The following RBFOX1 variants were observed in gnomAD, a reference collection of about 807,000 sequenced individuals.
RBFOX1 encodes RNA binding protein fox-1 homolog 1.
A neutral mutation model predicts 57.7 loss-of-function variants in RBFOX1; 8 were observed. The ratio of observed to expected loss-of-function variants is 0.14; its 90% CI spans 0.08 to 0.25. RBFOX1 has a LOEUF of 0.25. Among genes scored for constraint, RBFOX1 ranks in the 10% least tolerant of loss-of-function variants. The probability of loss-of-function intolerance (pLI) is 1.00; values close to 1 mark genes in which losing one functional copy is unlikely to be tolerated. For missense variants in RBFOX1, 611 were observed against 548.5 expected, an observed-to-expected ratio of 1.11 and a Z score of -1.14; for synonymous variants, 326 against 222.4, an observed-to-expected ratio of 1.47 and a Z score of -4.15.
At chr16:7,247,033 C>T (rs1201109258) in intron 4 of RBFOX1, among the ~76,000 whole-genome samples, 1 of 152,116 alleles carries the variant, frequency 6.6e-6, no homozygotes, top group Non-Finnish European at 1.5e-5. Flanking sequence ...TAACAGTGAG[C>T]ACTTGTTTAG....
chr16:5,826,354 A>G lies in RBFOX1; in HGVS notation c.319-40949A>G, dbSNP rs1390442948. On this transcript the variant is annotated intron_variant, in intron 3 of 19. Coordinates refer to the RBFOX1 transcript ENST00000641259. ...CAGTACCTGTGACTTTGTCCCCAGT[A>G]GATGTCCAGCTGTTTTCATTCCACA... 3.3e-5 allele frequency among the ~76,000 whole-genome samples: 5 copies of G among 152,302 alleles called. No homozygotes were observed. The East Asian group carries it at 5.8e-4, about 18-fold the overall frequency.
At chr16:6,757,120 A>G (rs1319418870) in intron 3 of RBFOX1, among the ~76,000 whole-genome samples, 1 of 152,238 alleles carries the variant, frequency 6.6e-6, no homozygotes, top group Non-Finnish European at 1.5e-5. Flanking sequence ...CCCAATTAGA[A>G]CGACTATTAT....
intron 5 of RBFOX1, among the ~76,000 whole-genome samples, chr16:7,548,622 C>A (rs7187403): frequency 5.9e-5 from 9 of 152,310 alleles, no homozygotes; most frequent in African/African-American, 2.2e-4. Flanking sequence ...GCAGGATGCT[C>A]TGGGGCAGGA....
intron 2 of RBFOX1, among the ~76,000 whole-genome samples, chr16:6,553,654 T>C (rs1363418732): frequency 6.6e-6 from 1 of 151,988 alleles, no homozygotes; most frequent in East Asian, 1.9e-4. Flanking sequence ...CAGGACAGGA[T>C]GATAGAAAAG....
chr16:5,479,999 T>C (rs1378711840), intron 2 of RBFOX1, among the ~76,000 whole-genome samples: 1 of 152,086 alleles, frequency 6.6e-6, no homozygotes, highest in Non-Finnish European at 1.5e-5. Flanking sequence ...TTGGCCTTCC[T>C]CCTTGCCTAC....
intron 3 of RBFOX1, among the ~76,000 whole-genome samples, chr16:5,800,799 T>C (rs1429571120): frequency 6.6e-6 from 1 of 152,122 alleles, no homozygotes; most frequent in Non-Finnish European, 1.5e-5. Context: ...CTAGTGCCAT[T>C]GGATCCCTTT....
chr16:6,382,885 A>G (rs1329143275), intron 2 of RBFOX1, among the ~76,000 whole-genome samples: 1 of 152,186 alleles, frequency 6.6e-6, no homozygotes, highest in Non-Finnish European at 1.5e-5. Context: ...TTTACTCTCA[A>G]GCCCACTGAA....
At chr16:6,986,184 T>TTTTTTTTA (rs1555719495) in intron 3 of RBFOX1, among the ~76,000 whole-genome samples, 11 of 144,142 alleles carry the variant, frequency 7.6e-5, no homozygotes, top group South Asian at 2.2e-4. Flanking sequence ...CAATTTCTAT[T>TTTTTTTTA]TTTATTTATT....
At chr16:6,483,397 G>C (rs1459999955) in intron 2 of RBFOX1, 10 of 1,533,260 alleles carry the variant, frequency 6.5e-6, no homozygotes, top group Non-Finnish European at 8.7e-6. Flanking sequence ...GATGACTGGA[G>C]TCATTTACAT....
intron 4 of RBFOX1, among the ~76,000 whole-genome samples, chr16:7,359,873 G>T (rs1246607546): frequency 6.6e-6 from 1 of 152,076 alleles, no homozygotes; most frequent in Non-Finnish European, 1.5e-5. Flanking sequence ...AGTCCCAGCT[G>T]CTGGGGAGGC....
chr16:5,443,049 G>A (rs1238681407), intron 1 of RBFOX1, among the ~76,000 whole-genome samples: 1 of 152,164 alleles, frequency 6.6e-6, no homozygotes, highest in Non-Finnish European at 1.5e-5. Context: ...ACTGAAAGAG[G>A]CAAGGAACAG....
chr16:6,433,991 G>A (rs568348204), intron 2 of RBFOX1, among the ~76,000 whole-genome samples: 3 of 152,018 alleles, frequency 2.0e-5, no homozygotes, highest in South Asian at 4.2e-4. Flanking sequence ...GGGATTACAG[G>A]CATGCACCAC....
chr16:6,131,037 A>C (rs1349143192), intron 1 of RBFOX1, among the ~76,000 whole-genome samples: 1 of 152,196 alleles, frequency 6.6e-6, no homozygotes, highest in Non-Finnish European at 1.5e-5. Flanking sequence ...TAAAGAGCGT[A>C]AGAGGCCAGA....
intron 4 of RBFOX1, among the ~76,000 whole-genome samples, chr16:7,132,870 G>C (rs1197904193): frequency 6.6e-6 from 1 of 152,076 alleles, no homozygotes; most frequent in Non-Finnish European, 1.5e-5. Context: ...GCTGCCACGT[G>C]GTGATAAATA....
intron 10 of RBFOX1, among the ~76,000 whole-genome samples, chr16:7,617,451 G>T (rs1050600547): frequency 1.3e-5 from 2 of 151,850 alleles, no homozygotes; most frequent in African/African-American, 4.8e-5. Context: ...CTACTTTGCT[G>T]AGCTTGGCTT....
intron 3 of RBFOX1, among the ~76,000 whole-genome samples, chr16:6,814,575 A>T (rs2089611004): frequency 6.6e-6 from 1 of 152,146 alleles, no homozygotes; most frequent in Non-Finnish European, 1.5e-5. Context: ...GATGAGCATG[A>T]TAGATGCGAA....
intron 4 of RBFOX1, among the ~76,000 whole-genome samples, chr16:7,483,320 C>T (rs948914259): frequency 1.3e-5 from 2 of 152,098 alleles, no homozygotes; most frequent in Admixed American, 6.5e-5. Context: ...TCTGGCAGAC[C>T]TGTTGTCCTA....
intron 4 of RBFOX1, among the ~76,000 whole-genome samples, chr16:5,930,202 AATGGATGGATGGATGG>A (rs56153541): frequency 1.6e-4 from 18 of 112,090 alleles, no homozygotes; most frequent in African/African-American, 6.4e-4. Context: ...AAGAAAGAAG[AATGGATGGATGGATGG>A]ATGGATGGAT....
intron 3 of RBFOX1, among the ~76,000 whole-genome samples, chr16:6,920,520 A>G (rs1190209189): frequency 6.6e-6 from 1 of 152,226 alleles, no homozygotes; most frequent in Non-Finnish European, 1.5e-5. Context: ...GCCAAGGGCT[A>G]CCATAACAAA....
Sources: allele counts gnomAD v4.1 joint callset (sites outside exome capture counted in the v4.1 genomes callset), GRCh38; gene constraint gnomAD v4.1.1; transcripts MANE v1.5; gene names NCBI Gene and HGNC (gene_info 2026-07-23, HGNC 2026-07-21).